CMPK1: variants seen among roughly 807,000 people sequenced by gnomAD.
CMPK1 encodes UMP-CMP kinase.
Under a neutral mutation model 25.7 loss-of-function variants are expected in CMPK1, and 10 were observed. That is an observed-to-expected ratio of 0.39 (90% CI 0.24 to 0.66). CMPK1 has a LOEUF of 0.66. CMPK1 is among the 30% of genes least tolerant of loss of function. The pLI is 0.48. For synonymous variants in CMPK1, 106 were observed against 101.5 expected, an observed-to-expected ratio of 1.04 and a Z score of -0.27; for missense variants, 199 against 280.5, an observed-to-expected ratio of 0.71 and a Z score of 2.08.
At chr1:47,350,905 CAAA>C (rs36038736) in intron 1 of CMPK1, among the ~76,000 whole-genome samples, 1 of 126,412 alleles carries the variant, frequency 7.9e-6, no homozygotes. Flanking sequence ...GAGACTGTCT[CAAA>C]AAAAAAAAAA....
intron 1 of CMPK1, among the ~76,000 whole-genome samples, chr1:47,360,153 A>G (rs1646591618): frequency 6.6e-6 from 1 of 152,170 alleles, no homozygotes; most frequent in Non-Finnish European, 1.5e-5. Context: ...TAATGCTGGA[A>G]GTTTTCAAAT....
chr1:47,364,457 C>T (rs1433203252), intron 1 of CMPK1, among the ~76,000 whole-genome samples: 2 of 151,574 alleles, frequency 1.3e-5, no homozygotes, highest in Non-Finnish European at 2.9e-5. Flanking sequence ...AGCAGGACTA[C>T]AGGCGCCTGC....
chr1:47,365,978 G>A (rs565096897), intron 1 of CMPK1, among the ~76,000 whole-genome samples: 1 of 152,238 alleles, frequency 6.6e-6, no homozygotes, highest in East Asian at 1.9e-4. Context: ...TAGATCACCT[G>A]AGGTTAGGAG....
At chr1:47,334,958 A>G (rs1646385468) in intron 1 of CMPK1, among the ~76,000 whole-genome samples, 2 of 152,168 alleles carry the variant, frequency 1.3e-5, no homozygotes, top group Non-Finnish European at 2.9e-5. Flanking sequence ...GAGACAGGTT[A>G]CCAGTTCAAT....
At chr1:47,355,948 A>G (rs1646558132) in intron 1 of CMPK1, among the ~76,000 whole-genome samples, 2 of 152,188 alleles carry the variant, frequency 1.3e-5, no homozygotes, top group African/African-American at 4.8e-5. Flanking sequence ...TCACCTTTGT[A>G]TAGTGAAAAT....
intron 1 of CMPK1, among the ~76,000 whole-genome samples, chr1:47,334,547 C>T (rs543238432): frequency 6.6e-6 from 1 of 152,322 alleles, no homozygotes; most frequent in East Asian, 1.9e-4. Context: ...AAGGAGAGAC[C>T]TATTTTTCTT....
chr1:47,358,665 G>A (rs906296694), intron 1 of CMPK1: 24 of 986,194 alleles, frequency 2.4e-5, no homozygotes, highest in Admixed American at 1.8e-4. Flanking sequence ...TCAGTGTTCT[G>A]AGTGTGTGAT....
intron 1 of CMPK1, among the ~76,000 whole-genome samples, chr1:47,350,427 G>T (rs1383703217): frequency 6.6e-6 from 1 of 151,954 alleles, no homozygotes. Context: ...AGGGGGTGTT[G>T]TTTTGGTAGA....
chr1:47,342,132 A>G (rs1312193912), intron 1 of CMPK1, among the ~76,000 whole-genome samples: 1 of 151,846 alleles, frequency 6.6e-6, no homozygotes, highest in African/African-American at 2.4e-5. Flanking sequence ...CCCAGGCTAG[A>G]GTGCAGTGGG....
chr1:47,335,721 T>TA lies in CMPK1; in HGVS notation c.171+1612dup, dbSNP rs1221620977. Among the ~76,000 whole-genome samples the TA allele has an allele frequency of 7.2e-5, 11 of 151,982 alleles. No individual in the cohort carries two copies. The South Asian group carries it at 1.2e-3, about 17-fold the overall frequency. On this transcript the variant is annotated intron_variant, in intron 1 of 5. Transcript: ENST00000371873. ...AAAATACATAACATTTACATCCTCT[T>TA]AAAAAAATTTTTTTTTGTTGGTTCT...
At chr1:47,358,050 G>C (rs1179290163) in intron 1 of CMPK1, among the ~76,000 whole-genome samples, 1 of 141,900 alleles carries the variant, frequency 7.0e-6, no homozygotes, top group South Asian at 2.4e-4. Flanking sequence ...GGAGTAACCT[G>C]TATGAGTTTG....
intron 1 of CMPK1, among the ~76,000 whole-genome samples, chr1:47,354,034 A>G (rs1023468258): frequency 6.6e-6 from 1 of 152,100 alleles, no homozygotes; most frequent in Admixed American, 6.6e-5. Flanking sequence ...TACTTTTTAA[A>G]GATGTATAGG....
In CMPK1 at chr1:47,373,046, A is replaced by G; in HGVS notation, c.410A>G (p.Asn137Ser). 6.2e-7 allele frequency: 1 copy of G among 1,612,794 alleles called. No individual in the cohort carries two copies. The highest frequency in any genetic ancestry group is 8.5e-7 in the Non-Finnish European group (1 of 1,179,244). Residue 137 changes from asparagine (N) to serine (S), a missense_variant, in exon 3 of 6, where the codon AAC becomes AGC. By Grantham distance (46) the Asn-to-Ser change is conservative. Around this residue, in one of 2 missense-constraint regions of CMPK1, gnomAD observed 140 missense variants for 235.5 expected, o/e 0.59. Coordinates refer to ENST00000371873, the MANE Select transcript of CMPK1 (RefSeq NM_016308.3). Reference sequence around the variant, plus strand: ...AATCAAGACAACCTTCAAGGATGGAACAAGACCATGGATGGGAAGGCAGAT... The same window carrying G: ...AATCAAGACAACCTTCAAGGATGGAGCAAGACCATGGATGGGAAGGCAGAT... ...PRNQDNLQGW[N>S]KTMDGKADVS... is the part of the protein sequence containing the mutation.
intron 5 of CMPK1, among the ~76,000 whole-genome samples, chr1:47,375,728 GCCACAGAACAAGTAGCA>G (rs1288205721): frequency 6.6e-6 from 1 of 152,196 alleles, no homozygotes; most frequent in African/African-American, 2.4e-5. Context: ...TCTTTCTTCT[GCCACAGAACAAGTAGCA>G]CCACAGGTGA....
intron 1 of CMPK1, among the ~76,000 whole-genome samples, chr1:47,339,341 A>T (rs909763542): frequency 6.6e-6 from 1 of 152,020 alleles, no homozygotes; most frequent in Admixed American, 6.6e-5. Context: ...ATCTGTGTCA[A>T]CTTCCTCCAG....
chr1:47,365,469 A>G (rs1646632931), intron 1 of CMPK1, among the ~76,000 whole-genome samples: 1 of 151,776 alleles, frequency 6.6e-6, no homozygotes, highest in Non-Finnish European at 1.5e-5. Flanking sequence ...CCCCATCTCT[A>G]CAAAAAGTAC....
intron 1 of CMPK1, among the ~76,000 whole-genome samples, chr1:47,342,274 G>A (rs1171218026): frequency 6.6e-6 from 1 of 151,818 alleles, no homozygotes; most frequent in South Asian, 2.1e-4. Flanking sequence ...TAGAGACAGG[G>A]TTTCACCATG....
intron 1 of CMPK1, among the ~76,000 whole-genome samples, chr1:47,341,217 C>A (rs1646438663): frequency 6.6e-6 from 1 of 152,154 alleles, no homozygotes; most frequent in Admixed American, 6.5e-5. Flanking sequence ...GAACTGCTTT[C>A]CCATCTCTTT....
chr1:47,337,886 C>G (rs973411511), intron 1 of CMPK1, among the ~76,000 whole-genome samples: 4 of 152,270 alleles, frequency 2.6e-5, no homozygotes, highest in African/African-American at 7.2e-5. Flanking sequence ...GCTGGGATTA[C>G]AGGTGTGAGC....
Sources: gnomAD v4.1 joint callset for allele counts (sites outside exome capture counted in the v4.1 genomes callset) on GRCh38, gnomAD v4.1.1 for gene constraint, gnomAD v4.1.1 regional missense constraint, MANE v1.5 for transcripts, NCBI Gene and HGNC (gene_info 2026-07-23, HGNC 2026-07-21) for gene names.